ACACA: variants seen among roughly 807,000 people sequenced by gnomAD.
The protein encoded by ACACA is acetyl-CoA carboxylase 1.
A neutral mutation model predicts 296.1 loss-of-function variants in ACACA; 103 were observed. That is an observed-to-expected ratio of 0.35 (90% CI 0.30 to 0.41). ACACA has a LOEUF of 0.41. ACACA is among the 10% of genes least tolerant of loss of function. The pLI, the probability that ACACA is intolerant of heterozygous loss-of-function variation, is 1.00. For missense variants in ACACA, 1,554 were observed against 2,989.7 expected (o/e 0.52, Z 11.20); for synonymous variants, 953 against 1,038.6 (o/e 0.92, Z 1.58).
At position 37,097,231 on chromosome 17, in the gene ACACA, A is replaced by G; in HGVS notation, c.6721-65T>C. 1 of 1,570,900 alleles carries G rather than the reference A, an allele frequency of 6.4e-7. No individual in the cohort carries two copies. The highest frequency in any genetic ancestry group is 8.7e-7 in the Non-Finnish European group (1 of 1,155,942). ...CCTGCTTAATGCTCAGTCTGGAGGGAAACCCACAGGCATAAAAACTGATTC... is the reference window on the plus strand; with the variant it reads ...CCTGCTTAATGCTCAGTCTGGAGGGGAACCCACAGGCATAAAAACTGATTC... On this transcript the variant is annotated intron_variant, in intron 53 of 55. Coordinates refer to ENST00000616317, the MANE Select transcript of ACACA (RefSeq NM_198834.3). This position sits in a 1 kb window ranked among gnomAD's most constrained non-coding sequence, Gnocchi z 4.8.
chr17:37,143,710 C>T, intron 45 of ACACA: 1 of 906,048 alleles, frequency 1.1e-6, no homozygotes, highest in Non-Finnish European at 1.8e-6. Flanking sequence ...CTTCATCTTC[C>T]TCCTCCTCAT....
intron 25 of ACACA, among the ~76,000 whole-genome samples, chr17:37,231,865 A>C (rs532311871): frequency 6.6e-6 from 1 of 152,342 alleles, no homozygotes; most frequent in African/African-American, 2.4e-5. Flanking sequence ...AAACATAAAC[A>C]ATGTTCTGAG....
intron 15 of ACACA, 133 bp downstream of exon 15, chr17:37,252,753 G>T: frequency 8.4e-7 from 1 of 1,194,690 alleles, no homozygotes; most frequent in Non-Finnish European, 1.2e-6. Flanking sequence ...AAATTACACT[G>T]ACTCCTAGAT....
chr17:37,091,773 G>A (rs1397955896), intron 54 of ACACA, among the ~76,000 whole-genome samples: 9 of 151,604 alleles, frequency 5.9e-5, no homozygotes, highest in Admixed American at 5.2e-4. Context: ...ACAGGGTCTC[G>A]TTATGTTGCC....
intron 3 of ACACA, among the ~76,000 whole-genome samples, chr17:37,325,320 C>T (rs1413927610): frequency 6.0e-5 from 9 of 150,018 alleles, no homozygotes; most frequent in African/African-American, 9.8e-5. Context: ...GAGCCAAGAT[C>T]GCGCCATTGC....
At chr17:37,356,626 C>T (rs565496558) in intron 1 of ACACA, among the ~76,000 whole-genome samples, 3 of 151,962 alleles carry the variant, frequency 2.0e-5, no homozygotes, top group African/African-American at 7.2e-5. Context: ...GATTCGCCAG[C>T]CTCGACCTCT....
intron 2 of ACACA, among the ~76,000 whole-genome samples, chr17:37,333,972 A>G (rs1404821505): frequency 6.6e-6 from 1 of 151,916 alleles, no homozygotes; most frequent in Non-Finnish European, 1.5e-5. Context: ...GGACTTCCCC[A>G]AGGCTTACAG....
intron 5 of ACACA, 66 bp downstream of exon 5, chr17:37,283,201 C>G: frequency 6.3e-7 from 1 of 1,594,560 alleles, no homozygotes; most frequent in Non-Finnish European, 8.6e-7. Context: ...CATTCTCCTA[C>G]TTAAAGGCTG....
intron 3 of ACACA, among the ~76,000 whole-genome samples, chr17:37,311,003 A>C (rs1567978003): frequency 6.6e-6 from 1 of 152,132 alleles, no homozygotes; most frequent in Non-Finnish European, 1.5e-5. Context: ...CATGTGTTTC[A>C]AGAAAAAAGT....
chr17:37,357,249 T>C (rs1658441479), intron 1 of ACACA, among the ~76,000 whole-genome samples: 1 of 152,112 alleles, frequency 6.6e-6, no homozygotes, highest in African/African-American at 2.4e-5. Flanking sequence ...TCCCAGCACT[T>C]TGGGAGGCCG....
At chr17:37,221,036 T>G (rs1350968192) in intron 29 of ACACA, among the ~76,000 whole-genome samples, 2 of 152,236 alleles carry the variant, frequency 1.3e-5, no homozygotes, top group African/African-American at 4.8e-5. Context: ...TTCCTAGATT[T>G]TCATTGCCTT....
intron 1 of ACACA, among the ~76,000 whole-genome samples, chr17:37,404,948 T>A (rs1248970158): frequency 3.3e-5 from 5 of 152,246 alleles, no homozygotes; most frequent in Non-Finnish European, 5.9e-5. Context: ...CACTTCCCAA[T>A]AAAATCCAAA....
chr17:37,086,690 A>G lies in ACACA; in HGVS notation c.*626T>C, dbSNP rs2072226043. ...ATTTTCTTTCTCTGCTTCTTGGCTC[A>G]CAGTTTTGCCCTCATCTTTGAGTTC... On this transcript the variant is annotated 3_prime_UTR_variant, in exon 56 of 56. Transcript: ENST00000616317. 6.5e-6 allele frequency: 1 copy of G among 153,836 alleles called. No individual in the cohort carries two copies. Among genetic ancestry groups the G allele is most frequent in the Non-Finnish European group, 1.4e-5 (1 of 69,130 alleles). The allele number at this position is 153,836 out of a possible 1,614,324, so 9.5% of individuals were successfully genotyped here. A position where few individuals can be genotyped will look rare whatever the true frequency, so the allele number is the denominator to read the frequency against.
chr17:37,172,064 T>C (rs148169217), intron 41 of ACACA, among the ~76,000 whole-genome samples: 7 of 152,322 alleles, frequency 4.6e-5, no homozygotes, highest in African/African-American at 1.7e-4. Flanking sequence ...ATGTTCATTA[T>C]TGCCTCTGGT....
rs74393244 is a variant in ACACA at position 37,276,883 on chromosome 17, G to T, written c.802+150C>A. 3.9e-3 allele frequency: 2,828 copies of T among 733,840 alleles called. 52 individuals are homozygous for T. Among genetic ancestry groups the T allele is most frequent in the African/African-American group, 0.038 (2,187 of 57,150 alleles). 45.5% of individuals were successfully genotyped at this position (733,840 alleles called of 1,614,324 possible). ...GAAAAAAAAGAAAGAAATGAAGAGGGTTACTCTGAGAGTTAGTAATAGATT... is the reference window on the plus strand; with the variant it reads ...GAAAAAAAAGAAAGAAATGAAGAGGTTTACTCTGAGAGTTAGTAATAGATT... On this transcript the variant is annotated intron_variant, in intron 7 of 55. Coordinates refer to ENST00000616317, the MANE Select transcript of ACACA (RefSeq NM_198834.3).
chr17:37,237,770 C>CT (rs1299837711), intron 24 of ACACA, among the ~76,000 whole-genome samples: 2 of 151,668 alleles, frequency 1.3e-5, no homozygotes, highest in Admixed American at 1.3e-4. Flanking sequence ...TTTTCAGTCT[C>CT]TTTTTTTGGA....
chr17:37,137,856 G>C (rs2075396447), intron 45 of ACACA, among the ~76,000 whole-genome samples: 1 of 152,108 alleles, frequency 6.6e-6, no homozygotes, highest in African/African-American at 2.4e-5. Flanking sequence ...TATTGAGAAA[G>C]GCATATTTTA....
chr17:37,144,146 T>C, intron 45 of ACACA: 1 of 752,486 alleles, frequency 1.3e-6, no homozygotes, highest in East Asian at 2.5e-5. Context: ...GCAGACATGG[T>C]CTTCCACCTC....
chr17:37,293,832 G>A (rs567294967), intron 3 of ACACA, among the ~76,000 whole-genome samples: 9 of 152,132 alleles, frequency 5.9e-5, no homozygotes, highest in African/African-American at 1.2e-4. Context: ...GAGCCACCAC[G>A]CCTGGCCAAG....
Sources: gnomAD v4.1 joint callset for allele counts (sites outside exome capture counted in the v4.1 genomes callset) on GRCh38, gnomAD v4.1.1 for gene constraint, Gnocchi (gnomAD v3.1) non-coding constraint, MANE v1.5 for transcripts, NCBI Gene and HGNC (gene_info 2026-07-23, HGNC 2026-07-21) for gene names.